Variants in RAB11FIP4 observed in about 807,000 individuals in gnomAD.
RAB11FIP4 encodes rab11 family-interacting protein 4.
RAB11FIP4 carries 23 observed loss-of-function variants against 74.3 expected under a neutral mutation model. The observed-to-expected ratio is 0.31, with a 90% confidence interval of 0.22 to 0.44. RAB11FIP4 has a LOEUF of 0.44. Among genes scored for constraint, RAB11FIP4 ranks in the 20% least tolerant of loss-of-function variants. The pLI is 1.00. For synonymous variants in RAB11FIP4, 360 were observed against 359.9 expected (o/e 1.00, Z 0.00); for missense variants, 630 against 863.9 (o/e 0.73, Z 3.39).
chr17:31,456,260 C>T (rs2071577729), intron 3 of RAB11FIP4, among the ~76,000 whole-genome samples: 1 of 151,416 alleles, frequency 6.6e-6, no homozygotes, highest in Admixed American at 6.6e-5. Flanking sequence ...CACTGTCACC[C>T]AGGCTGGAGT....
intron 3 of RAB11FIP4, among the ~76,000 whole-genome samples, chr17:31,456,183 C>A (rs1007985418): frequency 2.0e-5 from 3 of 152,124 alleles, no homozygotes; most frequent in Non-Finnish European, 2.9e-5. Flanking sequence ...CTACAGGAAA[C>A]CTTACAGCTG....
chr17:31,500,082 G>A (rs576500424), intron 3 of RAB11FIP4, among the ~76,000 whole-genome samples: 1 of 152,250 alleles, frequency 6.6e-6, no homozygotes, highest in Non-Finnish European at 1.5e-5. Context: ...AACCCTTTTT[G>A]TTTAGGAAAT....
chr17:31,466,090 G>T (rs1436824660), intron 3 of RAB11FIP4, among the ~76,000 whole-genome samples: 1 of 152,090 alleles, frequency 6.6e-6, no homozygotes, highest in African/African-American at 2.4e-5. Context: ...GTTGCAGTGA[G>T]CCGAGATCAC....
chr17:31,393,070 G>A (rs144618797), intron 1 of RAB11FIP4, among the ~76,000 whole-genome samples: 1 of 152,360 alleles, frequency 6.6e-6, no homozygotes, highest in East Asian at 1.9e-4. Context: ...ACCAGAGAGT[G>A]GGAGGCGATT....
At position 31,536,891 on chromosome 17, in the gene RAB11FIP4, G is replaced by A. The variant is rs944880148; in HGVS notation, c.*5159G>A. On this transcript the variant is annotated 3_prime_UTR_variant, in exon 15 of 15. Coordinates refer to ENST00000621161, the MANE Select transcript of RAB11FIP4 (RefSeq NM_032932.6). ...CCCTGGGGAAGTATAATGTCACCATGCTCACCAGGCGAGGTTTCCCATATG... is the reference window on the plus strand; with the variant it reads ...CCCTGGGGAAGTATAATGTCACCATACTCACCAGGCGAGGTTTCCCATATG... The A allele has an allele frequency of 2.5e-6, 1 of 398,262 alleles. No homozygotes were observed. The highest frequency in any genetic ancestry group is 3.6e-5 in the East Asian group (1 of 28,074). The allele number at this position is 398,262 out of a possible 1,614,324, so 24.7% of individuals were successfully genotyped here.
chr17:31,404,573 A>G (rs1314066378), intron 1 of RAB11FIP4, among the ~76,000 whole-genome samples: 1 of 152,242 alleles, frequency 6.6e-6, no homozygotes, highest in African/African-American at 2.4e-5. Context: ...ATAGTGTCAC[A>G]TATGTTTGTT....
Position 31,391,812 on chromosome 17 carries a change from C to T in RAB11FIP4, c.-41C>T. On this transcript the variant is annotated 5_prime_UTR_variant, in exon 1 of 15. Transcript: ENST00000621161. The stretch of plus-strand genomic sequence containing the variant: ...GGCGGCGGCGGGCAGGCGGCGGGCG[C>T]GGCGGGCGAGGGGTCCGGGCTGAGC... 1.0e-6 allele frequency: 1 copy of T among 981,666 alleles called. No homozygotes were observed. Among genetic ancestry groups the T allele is most frequent in the Non-Finnish European group, 1.2e-6 (1 of 828,614 alleles). 60.8% of individuals were successfully genotyped at this position (981,666 alleles called of 1,614,324 possible). A position where few individuals can be genotyped will look rare whatever the true frequency, so the allele number is the denominator to read the frequency against.
intron 1 of RAB11FIP4, among the ~76,000 whole-genome samples, chr17:31,422,855 G>GTCTT (rs2071212576): frequency 1.3e-5 from 2 of 150,520 alleles, no homozygotes; most frequent in South Asian, 2.1e-4. Context: ...CTTTTTTAAA[G>GTCTT]TCTTTGTCTA....
intron 3 of RAB11FIP4, among the ~76,000 whole-genome samples, chr17:31,453,792 CAAAAAA>C (rs555119408): frequency 1.6e-5 from 1 of 62,632 alleles, no homozygotes; most frequent in Admixed American, 1.8e-4. Flanking sequence ...AGACTCGTCT[CAAAAAA>C]AAAAAAAAAA....
intron 1 of RAB11FIP4, among the ~76,000 whole-genome samples, chr17:31,426,086 G>A (rs1026622542): frequency 2.0e-5 from 3 of 152,172 alleles, no homozygotes; most frequent in South Asian, 2.1e-4. Context: ...GATCCAAGGC[G>A]AGGGGTCCCC....
chr17:31,496,981 T>C (rs1382983329), intron 3 of RAB11FIP4, among the ~76,000 whole-genome samples: 1 of 152,348 alleles, frequency 6.6e-6, no homozygotes, highest in East Asian at 1.9e-4. Context: ...ACCTGTGTAT[T>C]CTCATCTAAA....
chr17:31,522,778 G>C (rs1413178537), intron 7 of RAB11FIP4: 1 of 261,464 alleles, frequency 3.8e-6, no homozygotes, highest in East Asian at 8.7e-5. Context: ...GCATGAGTGT[G>C]CGCCATTGGG....
rs1189975886 is a variant in RAB11FIP4, at chr17:31,536,897, C to T, written c.*5165C>T. 4 of 398,494 alleles carry T rather than the reference C, an allele frequency of 1.0e-5. No homozygotes were observed. The highest frequency in any genetic ancestry group is 6.2e-5 in the African/African-American group (3 of 48,748). 24.7% of individuals were successfully genotyped at this position (398,494 alleles called of 1,614,324 possible). A position where few individuals can be genotyped will look rare whatever the true frequency, so the allele number is the denominator to read the frequency against. ...GGAAGTATAATGTCACCATGCTCAC[C>T]AGGCGAGGTTTCCCATATGACCTCC... is the stretch of plus-strand genomic sequence containing the variant. On this transcript the variant is annotated 3_prime_UTR_variant, in exon 15 of 15. Transcript: ENST00000621161.
intron 3 of RAB11FIP4, among the ~76,000 whole-genome samples, chr17:31,487,609 CATT>C (rs1597947502): frequency 6.6e-6 from 1 of 152,144 alleles, no homozygotes; most frequent in Non-Finnish European, 1.5e-5. Context: ...CCCCCGGACT[CATT>C]AGGGGGTGGA....
intron 1 of RAB11FIP4, among the ~76,000 whole-genome samples, chr17:31,419,822 T>C (rs2071182923): frequency 6.6e-6 from 1 of 152,188 alleles, no homozygotes; most frequent in African/African-American, 2.4e-5. Flanking sequence ...AGTGCTGGGA[T>C]TACAGGCATG....
intron 1 of RAB11FIP4, among the ~76,000 whole-genome samples, chr17:31,420,595 T>G (rs2071189778): frequency 6.6e-6 from 1 of 151,932 alleles, no homozygotes; most frequent in Non-Finnish European, 1.5e-5. Context: ...TGGTTAGAGA[T>G]GCATCAGTTT....
At chr17:31,489,502 C>T (rs1179423584) in intron 3 of RAB11FIP4, among the ~76,000 whole-genome samples, 26 of 152,158 alleles carry the variant, frequency 1.7e-4, no homozygotes, top group Admixed American at 1.7e-3. Context: ...GGGGTCTCCC[C>T]CAGGTGCTGG....
chr17:31,485,517 T>C (rs1002936926), intron 3 of RAB11FIP4, among the ~76,000 whole-genome samples: 1 of 152,176 alleles, frequency 6.6e-6, no homozygotes, highest in African/African-American at 2.4e-5. Flanking sequence ...TGGACGATCC[T>C]GTCATGTGAC....
intron 3 of RAB11FIP4, among the ~76,000 whole-genome samples, chr17:31,464,678 C>T (rs1358336020): frequency 6.0e-5 from 9 of 148,938 alleles, no homozygotes; most frequent in African/African-American, 1.7e-4. Flanking sequence ...CTCAAACTCC[C>T]GATGTCAGGG....
Sources: gnomAD v4.1 joint callset for allele counts (sites outside exome capture counted in the v4.1 genomes callset) on GRCh38, gnomAD v4.1.1 for gene constraint, MANE v1.5 for transcripts, NCBI Gene and HGNC (gene_info 2026-07-23, HGNC 2026-07-21) for gene names.